The following ST8SIA1 variants were observed in gnomAD, a reference collection of about 807,000 sequenced individuals.
ST8SIA1 encodes the protein ST8 alpha-N-acetyl-neuraminide alpha-2,8-sialyltransferase 1, also known as alpha-N-acetylneuraminide alpha-2,8-sialyltransferase.
A neutral mutation model predicts 35.9 loss-of-function variants in ST8SIA1; 16 were observed. That is an observed-to-expected ratio of 0.45 (90% CI 0.30 to 0.68). The LOEUF (loss-of-function observed/expected upper bound fraction) is 0.68, where lower values mean the gene tolerates loss of function less well. Ranked by LOEUF, ST8SIA1 falls within the 30% of genes least tolerant of loss-of-function variation. The probability of loss-of-function intolerance (pLI) is 0.09; values close to 1 mark genes in which losing one functional copy is unlikely to be tolerated. For synonymous variants in ST8SIA1, 170 were observed against 169.6 expected, an observed-to-expected ratio of 1.00 and a Z score of -0.02; for missense variants, 383 against 453.6, an observed-to-expected ratio of 0.84 and a Z score of 1.41.
chr12:22,329,446 C>T (rs1866730237), intron 1 of ST8SIA1, among the ~76,000 whole-genome samples: 1 of 152,158 alleles, frequency 6.6e-6, no homozygotes. Context: ...GTGATTATTG[C>T]TGATGAGATT....
chr12:22,281,066 G>C (rs556152936), intron 2 of ST8SIA1, among the ~76,000 whole-genome samples: 3 of 151,810 alleles, frequency 2.0e-5, no homozygotes, highest in Non-Finnish European at 4.4e-5. Flanking sequence ...TTTTTTAGTG[G>C]TGTTTTAGTT....
In ST8SIA1 at chr12:22,319,763, A is replaced by G. The variant is rs1036573112; in HGVS notation, c.236+14234T>C. On this transcript the variant is annotated intron_variant, in intron 1 of 4. Transcript: ENST00000396037. ...TCCCCTGAAGAAGAGGGAGGCCCAA[A>G]GAGAATCAAAGTTGGGGGTACCTAG... Among the ~76,000 whole-genome samples the G allele has an allele frequency of 2.6e-5, 4 of 152,336 alleles. No homozygotes were observed. In the East Asian group the frequency reaches 7.7e-4, roughly 29 times the overall value.
rs1864998069 is a variant in ST8SIA1 at position 22,197,085 on chromosome 12, T to TAA, written c.*4466_*4467insTT. The TAA allele has an allele frequency of 6.6e-6, 1 of 152,212 alleles. No individual in the cohort carries two copies. Among genetic ancestry groups the TAA allele is most frequent in the Non-Finnish European group, 1.5e-5 (1 of 68,066 alleles). 9.4% of individuals were successfully genotyped at this position (152,212 alleles called of 1,614,324 possible). A position where few individuals can be genotyped will look rare whatever the true frequency, so the allele number is the denominator to read the frequency against. The stretch of plus-strand genomic sequence containing the variant: ...TGCTAGTTATGTTTACTGCTGACTT[T>TAA]ATTAGAGGTTTTGACCTAGGTTGCC... On this transcript the variant is annotated 3_prime_UTR_variant, in exon 5 of 5. Transcript: ENST00000396037.
intron 4 of ST8SIA1, among the ~76,000 whole-genome samples, chr12:22,237,106 C>T (rs1865483504): frequency 7.3e-6 from 1 of 136,426 alleles, no homozygotes; most frequent in Non-Finnish European, 1.6e-5. Context: ...ATAACAAGGC[C>T]TTTTTTTAAA....
intron 4 of ST8SIA1, among the ~76,000 whole-genome samples, chr12:22,246,160 G>T (rs1865599133): frequency 6.6e-6 from 1 of 152,148 alleles, no homozygotes; most frequent in South Asian, 2.1e-4. Context: ...CTTGTGACTG[G>T]TGGGGGTGGG....
intron 1 of ST8SIA1, among the ~76,000 whole-genome samples, chr12:22,299,521 T>A (rs1866291851): frequency 6.6e-6 from 1 of 152,116 alleles, no homozygotes. Context: ...AATAAGAGGC[T>A]GTATTAAAAA....
intron 1 of ST8SIA1, among the ~76,000 whole-genome samples, chr12:22,326,933 T>C (rs1444715837): frequency 6.6e-6 from 1 of 152,178 alleles, no homozygotes; most frequent in East Asian, 1.9e-4. Flanking sequence ...ACTCACAACT[T>C]TGTCAAAAGA....
chr12:22,307,420 T>C (rs1359499682), intron 1 of ST8SIA1, among the ~76,000 whole-genome samples: 1 of 152,190 alleles, frequency 6.6e-6, no homozygotes, highest in Non-Finnish European at 1.5e-5. Context: ...TAAGATGGTC[T>C]GAGGTCTCTC....
At chr12:22,279,325 T>C (rs541188398) in intron 2 of ST8SIA1, among the ~76,000 whole-genome samples, 1 of 152,330 alleles carries the variant, frequency 6.6e-6, no homozygotes, top group South Asian at 2.1e-4. Flanking sequence ...AACCCCAGGC[T>C]GCCCTTCCAG....
chr12:22,216,070 A>G (rs1432354883), intron 4 of ST8SIA1, among the ~76,000 whole-genome samples: 1 of 152,204 alleles, frequency 6.6e-6, no homozygotes, highest in Non-Finnish European at 1.5e-5. Flanking sequence ...TTACGTCATG[A>G]AAGTTTGGGG....
At chr12:22,203,043 C>A (rs1249341301) in intron 4 of ST8SIA1, among the ~76,000 whole-genome samples, 1 of 152,154 alleles carries the variant, frequency 6.6e-6, no homozygotes, top group African/African-American at 2.4e-5. Flanking sequence ...AGGAAATCTT[C>A]ACAGCAGTGA....
At chr12:22,304,608 T>G (rs1490577256) in intron 1 of ST8SIA1, among the ~76,000 whole-genome samples, 2 of 152,206 alleles carry the variant, frequency 1.3e-5, no homozygotes, top group Non-Finnish European at 2.9e-5. Context: ...GTTATCTGAT[T>G]TATTGACTAA....
chr12:22,334,002 C>A lies in ST8SIA1; in HGVS notation c.231G>T (p.Ala77=). 1.2e-6 allele frequency: 2 copies of A among 1,613,780 alleles called. No individual in the cohort carries two copies. The highest frequency in any genetic ancestry group is 1.7e-6 in the Non-Finnish European group (2 of 1,179,908). ...AWRRNQTAAR[A]FRKQMEDCCD... ...AGCCGCGAGGGCAGGAGTACCTGAA[C>A]GCTCTGGCCGCGGTCTGGTTCCTCC... The change falls in exon 1 of 5, where the codon GCG becomes GCT. Residue 77 remains alanine, a synonymous_variant. Transcript: ENST00000396037.
At chr12:22,292,155 A>G (rs555558805) in intron 1 of ST8SIA1, among the ~76,000 whole-genome samples, 23 of 152,302 alleles carry the variant, frequency 1.5e-4, no homozygotes, top group African/African-American at 5.5e-4. Context: ...AACTCTTCAC[A>G]TCTTGTTATG....
chr12:22,271,745 G>A (rs1565583225), intron 2 of ST8SIA1, among the ~76,000 whole-genome samples: 1 of 152,152 alleles, frequency 6.6e-6, no homozygotes, highest in African/African-American at 2.4e-5. Flanking sequence ...TCATTCTGAT[G>A]TTCTGTGTCC....
At chr12:22,250,586 T>C (rs1865657487) in intron 3 of ST8SIA1, 1 of 152,176 alleles carries the variant, frequency 6.6e-6, no homozygotes, top group Non-Finnish European at 1.5e-5. Flanking sequence ...CAAAGCATCA[T>C]TTACTTGTAG....
intron 3 of ST8SIA1, among the ~76,000 whole-genome samples, chr12:22,252,299 C>G (rs1865680546): frequency 6.6e-6 from 1 of 152,276 alleles, no homozygotes; most frequent in Middle Eastern, 3.4e-3. Context: ...AGTCTAGGAC[C>G]AGACATACGA....
At chr12:22,296,722 A>T (rs965036938) in intron 1 of ST8SIA1, among the ~76,000 whole-genome samples, 3 of 152,202 alleles carry the variant, frequency 2.0e-5, no homozygotes, top group Non-Finnish European at 1.5e-5. Flanking sequence ...CTGAAGTTTA[A>T]AACATATGTT....
intron 1 of ST8SIA1, among the ~76,000 whole-genome samples, chr12:22,300,942 C>A (rs1866311000): frequency 6.6e-6 from 1 of 151,930 alleles, no homozygotes; most frequent in Non-Finnish European, 1.5e-5. Context: ...GTTTGGTTTT[C>A]TTTGGGTTGT....
Sources: allele counts gnomAD v4.1 joint callset (sites outside exome capture counted in the v4.1 genomes callset), GRCh38; gene constraint gnomAD v4.1.1; transcripts MANE v1.5; gene names NCBI Gene and HGNC (gene_info 2026-07-23, HGNC 2026-07-21).